PLXNB3: variants seen among roughly 807,000 people sequenced by gnomAD.
The protein encoded by PLXNB3 is plexin B3.
PLXNB3 carries 80 observed loss-of-function variants against 125.7 expected under a neutral mutation model. The ratio of observed to expected loss-of-function variants is 0.64; its 90% CI spans 0.53 to 0.77. PLXNB3 has a LOEUF of 0.77. Among genes scored for constraint, PLXNB3 ranks in the 30% least tolerant of loss-of-function variants. The pLI, the probability that PLXNB3 is intolerant of heterozygous loss-of-function variation, is 0.00. For synonymous variants in PLXNB3, 954 were observed against 783.3 expected, an observed-to-expected ratio of 1.22 and a Z score of -3.64; for missense variants, 1,836 against 1,729.3, an observed-to-expected ratio of 1.06 and a Z score of -1.09.
intron 2 of PLXNB3, chrX:153,765,824 G>A (rs782667948): frequency 2.4e-4 from 182 of 753,175 alleles, no homozygotes; most frequent in Non-Finnish European, 2.7e-4. Context: ...ACTCCTGGTC[G>A]GCATGTGACC....
rs2091949807 is a variant in PLXNB3, at chrX:153,773,033, C to T, written c.2906+17C>T. On this transcript the variant is annotated intron_variant, in intron 17 of 35. Coordinates refer to ENST00000361971, the MANE Select transcript of PLXNB3 (RefSeq NM_005393.3). The stretch of plus-strand genomic sequence containing the variant: ...CTGTCCCATGTGAGTCCCGGCCTGG[C>T]TGCCGTCGGGTGGTGGGCACTCCCA... 8.6e-7 allele frequency: 1 copy of T among 1,156,133 alleles called. No homozygotes were observed. Among genetic ancestry groups the T allele is most frequent in the Non-Finnish European group, 1.1e-6 (1 of 871,401 alleles).
Position 153,774,574 on chromosome X carries a change from G to T in PLXNB3, c.3830+3G>T, listed in dbSNP as rs781940942. Reference sequence around the variant, plus strand: ...CTCCTCCTCACCCTCATGTACAGGTGAGACCCGCCCACCCCCAGCACACTT... The same window carrying T: ...CTCCTCCTCACCCTCATGTACAGGTTAGACCCGCCCACCCCCAGCACACTT... On this transcript the variant is annotated splice_donor_region_variant and intron_variant, in intron 22 of 35. Coordinates refer to ENST00000361971, the MANE Select transcript of PLXNB3 (RefSeq NM_005393.3). The T allele has an allele frequency of 1.7e-6, 2 of 1,190,643 alleles. No individual in the cohort carries two copies. Among genetic ancestry groups the T allele is most frequent in the East Asian group, 6.0e-5 (2 of 33,490 alleles).
rs782570670 is a variant in PLXNB3 at position 153,767,052 on chromosome X, C to T, written c.225C>T (p.Phe75=). 41 of 1,209,856 alleles carry T rather than the reference C, an allele frequency of 3.4e-5. No individual in the cohort carries two copies. Among genetic ancestry groups the T allele is most frequent in the Non-Finnish European group, 4.5e-5 (40 of 895,299 alleles). Reference sequence around the variant, plus strand: ...ATGTCGGCGCAGTGAACCGCCTCTTCCAGCTCAGCCCCGAGCTGCAGCTCG... The same window carrying T: ...ATGTCGGCGCAGTGAACCGCCTCTTTCAGCTCAGCCCCGAGCTGCAGCTCG... ...TLYVGAVNRL[F]QLSPELQLEA... is the part of the protein sequence containing the mutation. Residue 75 remains phenylalanine, a synonymous_variant, in exon 3 of 36, where the codon TTC becomes TTT. Transcript: ENST00000361971.
Position 153,767,257 on chromosome X carries a change from C to T in PLXNB3, c.430C>T (p.Arg144Cys), listed in dbSNP as rs375561432. ...GCGGCAGGGCGTGTGTGAGACACGG[C>T]GCCTTGGGGATGTGGCCGAGGTGCT... Reference protein sequence around the residue: ...QVRQGVCETRRLGDVAEVLYQ... With the variant: ...QVRQGVCETRCLGDVAEVLYQ... The change falls in exon 3 of 36, where the codon CGC (arginine) becomes TGC (cysteine). Residue 144 changes from arginine (R) to cysteine (C), a missense_variant. Physicochemically the swap from Arg to Cys is radical, Grantham distance 180 (BLOSUM62 -3). Coordinates refer to ENST00000361971, the MANE Select transcript of PLXNB3 (RefSeq NM_005393.3). 5.8e-6 allele frequency: 7 copies of T among 1,204,191 alleles called. No homozygotes were observed. Among genetic ancestry groups the T allele is most frequent in the Admixed American group, 2.2e-5 (1 of 45,376 alleles).
chrX:153,774,861 G>A lies in PLXNB3; in HGVS notation c.3932-19G>A, dbSNP rs781869935. 8.3e-7 allele frequency: 1 copy of A among 1,205,817 alleles called. No individual in the cohort carries two copies. The highest frequency in any genetic ancestry group is 1.1e-6 in the Non-Finnish European group (1 of 892,587). On this transcript the variant is annotated intron_variant, in intron 23 of 35. Transcript: ENST00000361971. ...CCACGAGGCCTGAACTCACACCTCG[G>A]CGCCTCCTGGCCCCGCAGACCTCAT...
intron 6 of PLXNB3, among the ~76,000 whole-genome samples, chrX:153,769,529 G>T (rs1271583420): frequency 8.9e-6 from 1 of 112,710 alleles, no homozygotes; most frequent in Non-Finnish European, 1.9e-5. Flanking sequence ...TCCTCCAGCC[G>T]GTGCTCCACA....
Position 153,769,026 on chromosome X carries a change from C to A in PLXNB3, c.1345C>A (p.Leu449Met). Reference protein sequence around the residue: ...GPPGSAISPDLLLDSSGSHLY... With the variant: ...GPPGSAISPDMLLDSSGSHLY... ...TCCAGGCTCAGCCATCAGCCCAGAC[C>A]TGCTGCTGGACAGCAGTGGCAGTCA... is the stretch of plus-strand genomic sequence containing the variant. Residue 449 changes from leucine to methionine, a missense_variant, in exon 5 of 36, where the codon CTG becomes ATG. Physicochemically the swap from Leu to Met is conservative, Grantham distance 15. Coordinates refer to ENST00000361971, the MANE Select transcript of PLXNB3 (RefSeq NM_005393.3). 2 of 1,210,928 alleles carry A rather than the reference C, an allele frequency of 1.7e-6. No individual in the cohort carries two copies.
chrX:153,768,091 T>C (rs781854478), intron 3 of PLXNB3, among the ~76,000 whole-genome samples, 158 bp from the exon 4 acceptor site: 1 of 113,515 alleles, frequency 8.8e-6, no homozygotes, highest in Non-Finnish European at 1.9e-5. Flanking sequence ...CTCTGGATGC[T>C]ATGAGCTTGC....
intron 34 of PLXNB3, 63 bp downstream of exon 34, chrX:153,778,534 G>A (rs782445041): frequency 3.4e-6 from 4 of 1,181,663 alleles, no homozygotes; most frequent in South Asian, 3.6e-5. Context: ...CAGAGCAGAG[G>A]GGGGAGACTT....
intron 1 of PLXNB3, among the ~76,000 whole-genome samples, chrX:153,765,191 G>A (rs782735659): frequency 9.7e-5 from 11 of 112,994 alleles, no homozygotes; most frequent in African/African-American, 9.6e-5. Flanking sequence ...CCCGGATCCC[G>A]GGGGTGGCTC....
At chrX:153,769,393 G>A (rs2091897797) in intron 6 of PLXNB3, 131 bp downstream of exon 6, 1 of 510,024 alleles carries the variant, frequency 2.0e-6, no homozygotes, top group Admixed American at 3.6e-5. Context: ...CACCACGGAG[G>A]TCACCCATCC....
intron 34 of PLXNB3, 63 bp downstream of exon 34, chrX:153,778,534 G>T (rs782445041): frequency 1.2e-5 from 14 of 1,180,194 alleles, no homozygotes; most frequent in Middle Eastern, 2.3e-4. Flanking sequence ...CAGAGCAGAG[G>T]GGGGAGACTT....
At chrX:153,768,844 G>T in intron 4 of PLXNB3, 104 bp from the exon 5 acceptor site, 1 of 961,750 alleles carries the variant, frequency 1.0e-6, no homozygotes, top group Non-Finnish European at 1.4e-6. Flanking sequence ...CGGCAGGAAG[G>T]GGAACTGGCT....
Position 153,774,697 on chromosome X carries a change from G to A in PLXNB3, c.3831-9G>A, listed in dbSNP as rs782614864. The A allele has an allele frequency of 6.0e-6, 7 of 1,157,518 alleles. No individual in the cohort carries two copies. The highest frequency in any genetic ancestry group is 6.9e-6 in the Non-Finnish European group (6 of 867,057). ...GGCCCTGGCTGATGAAGCTGGCCCC[G>A]GGCTGCAGGCACAAGAGCAAGCAGG... On this transcript the variant is annotated splice_polypyrimidine_tract_variant and intron_variant, in intron 22 of 35. Coordinates refer to ENST00000361971, the MANE Select transcript of PLXNB3 (RefSeq NM_005393.3).
chrX:153,767,095 G>C lies in PLXNB3; in HGVS notation c.268G>C (p.Gly90Arg). 1.7e-6 allele frequency: 2 copies of C among 1,210,340 alleles called. No homozygotes were observed. Among genetic ancestry groups the C allele is most frequent in the Non-Finnish European group, 2.2e-6 (2 of 894,993 alleles). ...ELQLEAVAVT[G>R]PVIDSPDCVP... ...GCAGCTCGAGGCCGTGGCTGTCACT[G>C]GCCCTGTAATCGACAGCCCTGACTG... Residue 90 changes from glycine (G) to arginine (R), a missense_variant, in exon 3 of 36, where the codon GGC (glycine) becomes CGC (arginine). Gly to Arg is a moderately radical substitution (Grantham distance 125). Transcript: ENST00000361971.
Position 153,774,963 on chromosome X carries a change from C to T in PLXNB3, c.4015C>T (p.Arg1339Cys), listed in dbSNP as rs781808141. 1.2e-5 allele frequency: 14 copies of T among 1,192,822 alleles called. No homozygotes were observed. Among genetic ancestry groups the T allele is most frequent in the South Asian group, 1.8e-5 (1 of 54,085 alleles). ...PFLDYRTYAE[R>C]AFFPGHGGCP... The stretch of plus-strand genomic sequence containing the variant: ...CCTGGACTACCGCACCTACGCCGAG[C>T]GCGCCTTCTTCCCTGGCCATGGCGG... The change falls in exon 24 of 36, where the codon CGC (arginine) becomes TGC (cysteine). Residue 1339 changes from arginine (R) to cysteine (C), a missense_variant. By Grantham distance (180) the Arg-to-Cys change is radical. Coordinates refer to ENST00000361971, the MANE Select transcript of PLXNB3 (RefSeq NM_005393.3).
intron 35 of PLXNB3, 115 bp downstream of exon 35, chrX:153,778,789 T>G: frequency 9.0e-7 from 1 of 1,115,749 alleles, no homozygotes; most frequent in Non-Finnish European, 1.2e-6. Context: ...GGGAAGGGAC[T>G]CGGCTTTCAT....
At chrX:153,765,882 A>C (rs5945348) in intron 2 of PLXNB3, 138,856 of 751,603 alleles carry the variant, frequency 0.18, 14,607 homozygotes, top group African/African-American at 0.68. Context: ...GGGGCCAGAG[A>C]AGGGGCTGCT....
rs868980565 is a variant in PLXNB3, at chrX:153,776,686, G to A, written c.4834-201G>A. ...CGGCAGGGCGAGGATGGGGCGGGGC[G>A]AGGCAGGGCGGGGCTGGGGCGGGGA... On this transcript the variant is annotated intron_variant, in intron 28 of 35. Coordinates refer to ENST00000361971, the MANE Select transcript of PLXNB3 (RefSeq NM_005393.3). 4.2e-3 allele frequency among the ~76,000 whole-genome samples: 102 copies of A among 24,222 alleles called. 4 individuals carry two copies. Among genetic ancestry groups the A allele is most frequent in the African/African-American group, 0.021 (92 of 4,347 alleles). The allele number at this position is 24,222 out of a possible 115,157, so 21.0% of individuals were successfully genotyped here.
Sources: allele counts gnomAD v4.1 joint callset (sites outside exome capture counted in the v4.1 genomes callset), GRCh38; gene constraint gnomAD v4.1.1; transcripts MANE v1.5; gene names NCBI Gene and HGNC (gene_info 2026-07-23, HGNC 2026-07-21).